The following LRP1B variants were observed in gnomAD, a reference collection of about 807,000 sequenced individuals.
The protein encoded by LRP1B is LDL receptor related protein 1B.
A neutral mutation model predicts 556.6 loss-of-function variants in LRP1B; 217 were observed. The observed-to-expected ratio is 0.39, with a 90% CI of 0.35 to 0.44. LRP1B has a LOEUF of 0.44. Among genes scored for constraint, LRP1B ranks in the 20% least tolerant of loss-of-function variants. The pLI is 1.00. For synonymous variants in LRP1B, 2,047 were observed against 1,865.8 expected, an observed-to-expected ratio of 1.10 and a Z score of -2.50; for missense variants, 5,053 against 5,620.8, an observed-to-expected ratio of 0.90 and a Z score of 3.23.
At chr2:140,920,838 A>G (rs896273291) in intron 21 of LRP1B, among the ~76,000 whole-genome samples, 3 of 152,002 alleles carry the variant, frequency 2.0e-5, no homozygotes, top group Admixed American at 2.0e-4. Flanking sequence ...ACTATTTGGT[A>G]GAAACATCGG....
intron 3 of LRP1B, among the ~76,000 whole-genome samples, chr2:141,412,692 C>G (rs1443756519): frequency 2.0e-5 from 3 of 152,028 alleles, no homozygotes; most frequent in Admixed American, 6.6e-5. Context: ...TTCTACCTTA[C>G]TGGAGTTTTC....
In LRP1B at chr2:140,501,640, C is replaced by A. The variant is rs186882472; in HGVS notation, c.8850+47G>T. 1.6e-3 allele frequency: 2,172 copies of A among 1,375,534 alleles called. 76 individuals are homozygous for A. In the Admixed American group the frequency reaches 0.046, roughly 29 times the overall value. The allele number at this position is 1,375,534 out of a possible 1,614,324, so 85.2% of individuals were successfully genotyped here. A position where few individuals can be genotyped will look rare whatever the true frequency, so the allele number is the denominator to read the frequency against. On this transcript the variant is annotated intron_variant, in intron 55 of 90. Coordinates refer to ENST00000389484, the MANE Select transcript of LRP1B (RefSeq NM_018557.3). ...TTGGATTAAATAGCTTTCTTAACCTCCAATTCTAATGTATCGTATGATTTG... is the reference window on the plus strand; with the variant it reads ...TTGGATTAAATAGCTTTCTTAACCTACAATTCTAATGTATCGTATGATTTG...
intron 1 of LRP1B, among the ~76,000 whole-genome samples, chr2:142,102,481 C>T (rs1706602094): frequency 6.6e-6 from 1 of 150,946 alleles, no homozygotes; most frequent in African/African-American, 2.4e-5. Flanking sequence ...AATGAAACTG[C>T]TGATATAAGT....
chr2:140,477,527 T>C (rs1385170003), intron 59 of LRP1B, among the ~76,000 whole-genome samples: 2 of 152,108 alleles, frequency 1.3e-5, no homozygotes, highest in African/African-American at 4.8e-5. Flanking sequence ...TGAAAAAGGG[T>C]TTCCATTAAA....
chr2:141,184,867 A>AT (rs904145638), intron 7 of LRP1B, among the ~76,000 whole-genome samples: 4 of 150,522 alleles, frequency 2.7e-5, no homozygotes, highest in African/African-American at 4.9e-5. Context: ...GCTACACTTC[A>AT]TTTTTTTTCT....
intron 29 of LRP1B, among the ~76,000 whole-genome samples, chr2:140,847,981 G>A (rs555781833): frequency 4.6e-5 from 7 of 152,034 alleles, no homozygotes; most frequent in Admixed American, 4.6e-4. Flanking sequence ...CCAGATACCA[G>A]TTCATAATTA....
At chr2:140,782,925 T>G (rs528146978) in intron 32 of LRP1B, among the ~76,000 whole-genome samples, 1 of 152,258 alleles carries the variant, frequency 6.6e-6, no homozygotes, top group South Asian at 2.1e-4. Flanking sequence ...TTCCTGAAGG[T>G]CACACAGCAG....
intron 3 of LRP1B, among the ~76,000 whole-genome samples, chr2:141,367,693 A>C (rs1210471978): frequency 6.6e-6 from 1 of 151,770 alleles, no homozygotes; most frequent in Non-Finnish European, 1.5e-5. Flanking sequence ...CTTGTTAGCC[A>C]GGATGGTCTC....
chr2:140,902,487 C>T (rs1694133072), intron 23 of LRP1B, among the ~76,000 whole-genome samples: 1 of 151,816 alleles, frequency 6.6e-6, no homozygotes, highest in African/African-American at 2.4e-5. Context: ...TGTGAAAAAC[C>T]ACCTAGAGAA....
intron 1 of LRP1B, among the ~76,000 whole-genome samples, chr2:141,814,876 C>A (rs1696479141): frequency 6.6e-6 from 1 of 151,816 alleles, no homozygotes. Flanking sequence ...AACAGGTGGT[C>A]AAAAGGAAGA....
Position 140,768,195 on chromosome 2 carries a change from C to A in LRP1B, c.5758+1018G>T, listed in dbSNP as rs543260627. Among the ~76,000 whole-genome samples, 22 of 151,904 alleles carry A rather than the reference C, an allele frequency of 1.4e-4. No individual in the cohort carries two copies. The East Asian group carries it at 1.9e-3, about 13-fold the overall frequency. ...CTACTTAAGAAAACTCATTTTTGAA[C>A]AATTTGTGAAGATCCCCAGTAATTC... is the stretch of plus-strand genomic sequence containing the variant. On this transcript the variant is annotated intron_variant, in intron 35 of 90. Transcript: ENST00000389484.
intron 1 of LRP1B, among the ~76,000 whole-genome samples, chr2:141,992,895 A>ATT (rs2105118754): frequency 6.6e-6 from 1 of 152,270 alleles, no homozygotes; most frequent in African/African-American, 2.4e-5. Flanking sequence ...TATATCCTAA[A>ATT]TCACTGTAAT....
At chr2:141,254,256 G>C (rs539472502) in intron 4 of LRP1B, among the ~76,000 whole-genome samples, 21 of 152,160 alleles carry the variant, frequency 1.4e-4, no homozygotes, top group African/African-American at 9.6e-5. Context: ...AAAATAATTA[G>C]ATCAATGTGT....
chr2:141,212,592 A>G (rs1009462601), intron 6 of LRP1B, among the ~76,000 whole-genome samples: 1 of 151,824 alleles, frequency 6.6e-6, no homozygotes. Context: ...CAAAAAGTCT[A>G]GATTCTAAAT....
intron 1 of LRP1B, among the ~76,000 whole-genome samples, chr2:141,974,671 C>T (rs1701835385): frequency 6.6e-6 from 1 of 152,040 alleles, no homozygotes; most frequent in Non-Finnish European, 1.5e-5. Context: ...CAAAAACTAG[C>T]CTCCCACATT....
At chr2:140,375,244 C>T (rs1683176281) in intron 68 of LRP1B, among the ~76,000 whole-genome samples, 1 of 146,382 alleles carries the variant, frequency 6.8e-6, no homozygotes, top group Non-Finnish European at 1.5e-5. Flanking sequence ...TTCTAATGCA[C>T]AAATTGTCCC....
intron 6 of LRP1B, among the ~76,000 whole-genome samples, chr2:141,220,576 A>T (rs1682994220): frequency 6.6e-6 from 1 of 151,376 alleles, no homozygotes; most frequent in Non-Finnish European, 1.5e-5. Context: ...AAGAGACTCC[A>T]TGAGAAGATC....
At chr2:141,545,469 G>A (rs553843326) in intron 2 of LRP1B, among the ~76,000 whole-genome samples, 3 of 152,294 alleles carry the variant, frequency 2.0e-5, no homozygotes, top group East Asian at 3.9e-4. Context: ...CCTTACAGAT[G>A]AGAGTAAAGC....
intron 7 of LRP1B, among the ~76,000 whole-genome samples, chr2:141,152,262 T>C (rs1040900610): frequency 8.6e-5 from 13 of 152,016 alleles, no homozygotes; most frequent in Admixed American, 2.6e-4. Context: ...CTCATAGAAT[T>C]GTAGTGAGAA....
Sources: gnomAD v4.1 joint callset for allele counts (sites outside exome capture counted in the v4.1 genomes callset) on GRCh38, gnomAD v4.1.1 for gene constraint, MANE v1.5 for transcripts, NCBI Gene and HGNC (gene_info 2026-07-23, HGNC 2026-07-21) for gene names.